Variants in MS4A13 observed in about 807,000 individuals in gnomAD.
MS4A13 encodes the protein membrane spanning 4-domains A13.
A neutral mutation model predicts 18.4 loss-of-function variants in MS4A13; 21 were observed. That is an observed-to-expected ratio of 1.14 (90% CI 0.81 to 1.64). MS4A13 has a LOEUF of 1.64. Ranked by LOEUF, MS4A13 falls within the 40% of genes most tolerant of loss-of-function variation. The pLI is 0.00. For missense variants in MS4A13, 173 were observed against 176.8 expected (o/e 0.98, Z 0.12); for synonymous variants, 62 against 57.2 (o/e 1.08, Z -0.38).
intron 6 of MS4A13, among the ~76,000 whole-genome samples, chr11:60,533,653 A>T (rs1338786569): frequency 2.1e-5 from 1 of 47,574 alleles, no homozygotes; most frequent in Non-Finnish European, 4.0e-5. Flanking sequence ...CAACGTTCAG[A>T]TTCAGGAAAT....
rs1261356949 is a variant in MS4A13, at chr11:60,525,188, C to T, written c.187-19C>T. ...GTTTATTCTGAATATAATAAATTTG[C>T]CCTCTGTCTCCTTTTCAGATTATAA... On this transcript the variant is annotated intron_variant, in intron 4 of 6. Transcript: ENST00000378186. 9 of 1,534,900 alleles carry T rather than the reference C, an allele frequency of 5.9e-6. No individual in the cohort carries two copies. The highest frequency in any genetic ancestry group is 8.1e-6 in the Non-Finnish European group (9 of 1,113,500).
chr11:60,526,619 C>G (rs1457690483), intron 5 of MS4A13, among the ~76,000 whole-genome samples: 2 of 152,168 alleles, frequency 1.3e-5, no homozygotes, highest in African/African-American at 2.4e-5. Context: ...ATCTCAAAGC[C>G]ACCATCTTTT....
chr11:60,522,357 T>C (rs1565211023), intron 3 of MS4A13, among the ~76,000 whole-genome samples: 1 of 151,816 alleles, frequency 6.6e-6, no homozygotes, highest in East Asian at 1.9e-4. Flanking sequence ...AAAATTTCAA[T>C]TCATTCGAAA....
intron 6 of MS4A13, among the ~76,000 whole-genome samples, chr11:60,531,059 C>G (rs1305522990): frequency 6.6e-6 from 1 of 152,132 alleles, no homozygotes; most frequent in Non-Finnish European, 1.5e-5. Context: ...TGAAAACAGA[C>G]TAATATACTA....
rs1371233790 is a variant in MS4A13 at position 60,529,363 on chromosome 11, A to G, written c.307-2A>G. The G allele has an allele frequency of 4.9e-5, 77 of 1,568,114 alleles. No individual in the cohort carries two copies. The East Asian group carries it at 1.8e-3, about 37-fold the overall frequency. On this transcript the variant is annotated splice_acceptor_variant, in intron 5 of 6. Transcript: ENST00000378186. LOFTEE classifies it high-confidence loss of function. ...AGATTTCTCCCTGTTTTTTGGTTATAGAAACTTGGGAGGGAAGTATCACGT... is the reference window on the plus strand; with the variant it reads ...AGATTTCTCCCTGTTTTTTGGTTATGGAAACTTGGGAGGGAAGTATCACGT...
intron 6 of MS4A13, 64 bp from the exon 7 acceptor site, chr11:60,542,455 T>A: frequency 9.2e-7 from 1 of 1,081,840 alleles, no homozygotes. Context: ...GAAAAAGATC[T>A]ATTTATTAGT....
intron 6 of MS4A13, among the ~76,000 whole-genome samples, chr11:60,538,517 A>T (rs1168936043): frequency 2.0e-5 from 3 of 151,904 alleles, no homozygotes; most frequent in East Asian, 3.8e-4. Flanking sequence ...TCAAAACATC[A>T]CATTGTACCC....
rs1231071278 is a variant in MS4A13, at chr11:60,522,235, G to GATGGATGTATATATATATATATCT, written c.130-1660_130-1659insGGATGTATATATATATATATCTAT. 2.9e-3 allele frequency among the ~76,000 whole-genome samples: 325 copies of GATGGATGTATATATATATATATCT among 112,188 alleles called. 1 individual carries two copies. Among genetic ancestry groups the GATGGATGTATATATATATATATCT allele is most frequent in the Non-Finnish European group, 4.7e-3 (266 of 56,214 alleles). 73.6% of individuals were successfully genotyped at this position (112,188 alleles called of 152,430 possible). A position where few individuals can be genotyped will look rare whatever the true frequency, so the allele number is the denominator to read the frequency against. ...AGATAGATAGATAGATAGATAGATA[G>GATGGATGTATATATATATATATCT]ATAGATGTATATATATAGATATATA... On this transcript the variant is annotated intron_variant, in intron 3 of 6. Coordinates refer to ENST00000378186, the MANE Select transcript of MS4A13 (RefSeq NM_001012417.3).
chr11:60,528,291 A>G (rs1331459499), intron 5 of MS4A13, among the ~76,000 whole-genome samples: 1 of 152,240 alleles, frequency 6.6e-6, no homozygotes, highest in African/African-American at 2.4e-5. Flanking sequence ...AAAAATTTAA[A>G]GTTGCCTAGA....
At chr11:60,520,182 T>A (rs1174940067) in intron 3 of MS4A13, among the ~76,000 whole-genome samples, 1 of 151,540 alleles carries the variant, frequency 6.6e-6, no homozygotes, top group Non-Finnish European at 1.5e-5. Context: ...GGGTGGCGAG[T>A]CATTCCCATG....
intron 6 of MS4A13, among the ~76,000 whole-genome samples, chr11:60,540,286 C>T (rs373397277): frequency 2.0e-4 from 31 of 152,244 alleles, no homozygotes; most frequent in Middle Eastern, 3.4e-3. Flanking sequence ...TTTGCAAAAA[C>T]GGGAGTGGGC....
At chr11:60,525,159 A>T in intron 4 of MS4A13, 48 bp from the exon 5 acceptor site, 4 of 1,433,200 alleles carry the variant, frequency 2.8e-6, no homozygotes, top group Non-Finnish European at 3.9e-6. Context: ...TATTACACCA[A>T]AATGTTTATT....
intron 2 of MS4A13, among the ~76,000 whole-genome samples, chr11:60,516,481 G>A (rs2086638255): frequency 6.6e-6 from 1 of 152,154 alleles, no homozygotes; most frequent in African/African-American, 2.4e-5. Context: ...ATCCAAAGGG[G>A]AGAAAACATT....
At chr11:60,538,329 T>C (rs1035945490) in intron 6 of MS4A13, among the ~76,000 whole-genome samples, 1 of 150,006 alleles carries the variant, frequency 6.7e-6, no homozygotes, top group African/African-American at 2.5e-5. Flanking sequence ...ACAGGAGGAG[T>C]AAGCTTTAGG....
chr11:60,518,004 G>A, intron 2 of MS4A13, 68 bp from the exon 3 acceptor site: 23 of 1,254,360 alleles, frequency 1.8e-5, no homozygotes, highest in Non-Finnish European at 2.5e-5. Flanking sequence ...GCTTCTTATA[G>A]TTAACACTTA....
At chr11:60,524,487 C>T (rs2086699176) in intron 4 of MS4A13, among the ~76,000 whole-genome samples, 1 of 152,082 alleles carries the variant, frequency 6.6e-6, no homozygotes, top group South Asian at 2.1e-4. Context: ...TCTGAAGATA[C>T]TGATAGATTT....
intron 3 of MS4A13, among the ~76,000 whole-genome samples, chr11:60,522,620 T>A: frequency 6.6e-6 from 1 of 152,100 alleles, no homozygotes; most frequent in South Asian, 2.1e-4. Flanking sequence ...ATACATACAC[T>A]AATTCATAAG....
chr11:60,522,381 A>G (rs941481605), intron 3 of MS4A13, among the ~76,000 whole-genome samples: 16 of 152,192 alleles, frequency 1.1e-4, no homozygotes, highest in Admixed American at 9.2e-4. Context: ...GGAATGGCCA[A>G]GGGGTCAATA....
chr11:60,539,044 G>A (rs2086835034), intron 6 of MS4A13, among the ~76,000 whole-genome samples: 1 of 136,468 alleles, frequency 7.3e-6, no homozygotes, highest in Non-Finnish European at 1.6e-5. Flanking sequence ...ATCTTAGAAG[G>A]GGATTCTTCT....
Sources: gnomAD v4.1 joint callset for allele counts (sites outside exome capture counted in the v4.1 genomes callset) on GRCh38, gnomAD v4.1.1 for gene constraint, MANE v1.5 for transcripts, NCBI Gene and HGNC (gene_info 2026-07-23, HGNC 2026-07-21) for gene names.